Variants in FCRL3 observed in about 807,000 individuals in gnomAD.
FCRL3 encodes Fc receptor-like protein 3.
Under a neutral mutation model 75.0 loss-of-function variants are expected in FCRL3, and 89 were observed. That is an observed-to-expected ratio of 1.19 (90% CI 1.00 to 1.42). The LOEUF (loss-of-function observed/expected upper bound fraction) is 1.42. Among genes scored for constraint, FCRL3 ranks in the 40% most tolerant of loss-of-function variants. FCRL3 has a pLI of 0.00. For synonymous variants in FCRL3, 376 were observed against 348.5 expected, an observed-to-expected ratio of 1.08 and a Z score of -0.88; for missense variants, 946 against 880.0, an observed-to-expected ratio of 1.07 and a Z score of -0.95.
Position 157,697,817 on chromosome 1 carries a change from T to A in FCRL3, c.401A>T (p.Tyr134Phe). Residue 134 changes from tyrosine to phenylalanine, a missense_variant, in exon 5 of 15, where the codon TAC (tyrosine) becomes TTC (phenylalanine). Tyr to Phe is a conservative substitution (Grantham distance 22). Coordinates refer to ENST00000368184, the MANE Select transcript of FCRL3 (RefSeq NM_052939.4). ...ATTAGGAAGCTGTTTTCCATCCTTGTAGTAAACCTTTTGATGAGTGTTTTT... is the reference window on the plus strand; with the variant it reads ...ATTAGGAAGCTGTTTTCCATCCTTGAAGTAAACCTTTTGATGAGTGTTTTT... ...DNKNTHQKVYYKDGKQLPNSY... is the reference protein window; with the variant it reads ...DNKNTHQKVYFKDGKQLPNSY... The A allele has an allele frequency of 6.2e-7, 1 of 1,614,204 alleles. No homozygotes were observed. Among genetic ancestry groups the A allele is most frequent in the Non-Finnish European group, 8.5e-7 (1 of 1,180,036 alleles).
intron 3 of FCRL3, among the ~76,000 whole-genome samples, 193 bp from the exon 4 acceptor site, chr1:157,698,822 G>A (rs914163512): frequency 6.6e-6 from 1 of 152,208 alleles, no homozygotes; most frequent in African/African-American, 2.4e-5. Flanking sequence ...TTTCCTGGAG[G>A]TGGGCAGAAG....
intron 10 of FCRL3, among the ~76,000 whole-genome samples, chr1:157,686,880 C>T (rs1469793945): frequency 6.6e-6 from 1 of 152,006 alleles, no homozygotes; most frequent in Non-Finnish European, 1.5e-5. Flanking sequence ...TCAGCTTTGG[C>T]CAAGAATTTT....
chr1:157,699,778 C>G, intron 2 of FCRL3, 66 bp from the exon 3 acceptor site: 1 of 1,560,074 alleles, frequency 6.4e-7, no homozygotes, highest in Non-Finnish European at 8.8e-7. Context: ...CTAACCACAA[C>G]CACTTCTTTT....
At chr1:157,699,878 G>A (rs10489678) in intron 2 of FCRL3, among the ~76,000 whole-genome samples, 166 bp from the exon 3 acceptor site, 29,946 of 151,974 alleles carry the variant, frequency 0.2, 3,076 homozygotes, top group African/African-American at 0.24. Context: ...TTTTACAAAC[G>A]TGATGGCTTA....
At chr1:157,694,459 T>C (rs766782867) in intron 8 of FCRL3, among the ~76,000 whole-genome samples, 6 of 152,208 alleles carry the variant, frequency 3.9e-5, no homozygotes, top group Non-Finnish European at 8.8e-5. Flanking sequence ...TCTGGAATCA[T>C]TGGAGAACAA....
chr1:157,679,848 A>AAAAAAAAAAAAAAAAAAAAAG (rs1654724310), intron 13 of FCRL3, among the ~76,000 whole-genome samples: 1 of 148,264 alleles, frequency 6.7e-6, no homozygotes, highest in Non-Finnish European at 1.5e-5. Flanking sequence ...AAAAAAAAAA[A>AAAAAAAAAAAAAAAAAAAAAG]AAAAAAAAAA....
At chr1:157,685,351 C>T (rs12139425) in intron 10 of FCRL3, among the ~76,000 whole-genome samples, 34,272 of 151,840 alleles carry the variant, frequency 0.23, 4,076 homozygotes, top group African/African-American at 0.27. Flanking sequence ...AGTAACAAAA[C>T]AAATAATTAT....
chr1:157,685,150 CTG>C (rs1397053650), intron 10 of FCRL3, among the ~76,000 whole-genome samples: 8 of 151,914 alleles, frequency 5.3e-5, no homozygotes, highest in Admixed American at 5.3e-4. Flanking sequence ...AACCTCAACA[CTG>C]AGATTCAAAT....
Position 157,689,780 on chromosome 1 carries a change from T to G in FCRL3, c.1810+18A>C, listed in dbSNP as rs960168194. The G allele has an allele frequency of 5.0e-6, 8 of 1,613,846 alleles. No homozygotes were observed. Among genetic ancestry groups the G allele is most frequent in the South Asian group, 2.2e-5 (2 of 91,082 alleles). On this transcript the variant is annotated intron_variant, in intron 10 of 14. Transcript: ENST00000368184. ...GCAACGGCAAAATCACATCACAAGG[T>G]AGGACCTAGACACCCACCTGGTTTC... is the stretch of plus-strand genomic sequence containing the variant.
chr1:157,682,928 AG>A (rs1285600085), intron 11 of FCRL3, among the ~76,000 whole-genome samples: 1 of 152,234 alleles, frequency 6.6e-6, no homozygotes, highest in Admixed American at 6.5e-5. Flanking sequence ...GCCCTATGAA[AG>A]GTAATGCCAT....
In FCRL3 at chr1:157,698,573, C is replaced by T. The variant is rs1034727140; in HGVS notation, c.109G>A (p.Gly37Arg). The T allele has an allele frequency of 1.9e-6, 3 of 1,613,942 alleles. No homozygotes were observed. The highest frequency in any genetic ancestry group is 2.7e-5 in the African/African-American group (2 of 74,920). Residue 37 changes from glycine (G) to arginine (R), a missense_variant, in exon 4 of 15, where the codon GGA becomes AGA. Transcript: ENST00000368184. ...LNPPWSTAFK[G>R]EKVALICSSI... Reference sequence around the variant, plus strand: ...CTGCATATGAGAGCCACTTTTTCTCCTTTGAAGGCTGTGGACCATGGAGGA... The same window carrying T: ...CTGCATATGAGAGCCACTTTTTCTCTTTTGAAGGCTGTGGACCATGGAGGA...
Position 157,676,675 on chromosome 1 carries a change from C to T in FCRL3, c.*2035G>A, listed in dbSNP as rs893922520. 3.3e-6 allele frequency: 5 copies of T among 1,530,106 alleles called. No homozygotes were observed. The highest frequency in any genetic ancestry group is 4.9e-5 in the East Asian group (2 of 40,796). The allele number at this position is 1,530,106 out of a possible 1,614,324, so 94.8% of individuals were successfully genotyped here. On this transcript the variant is annotated 3_prime_UTR_variant, in exon 15 of 15. Transcript: ENST00000368184. ...ATCCGAGATGTACAGTTAGGACTCA[C>T]CCCTTCTTCCACTCACATACTCTGA...
intron 6 of FCRL3, chr1:157,696,591 C>G (rs912101340): frequency 2.1e-6 from 1 of 471,140 alleles, no homozygotes; most frequent in Admixed American, 3.5e-5. Flanking sequence ...ATTTTATATG[C>G]ATTTATCTCT....
rs6691220 is a variant in FCRL3, at chr1:157,690,480, C to T, written c.1465G>A (p.Val489Met). Residue 489 changes from valine (V) to methionine (M), a missense_variant, in exon 9 of 15, where the codon GTG (valine) becomes ATG (methionine). Transcript: ENST00000368184. ...TLRAPGAQAV[V>M]GDLLELHCES... ...CAGTGAAGCTCCAGCAGGTCCCCCA[C>T]CACAGCCTGGGCCCCGGGAGCCCTG... 2,404 of 1,614,218 alleles carry T rather than the reference C, an allele frequency of 1.5e-3. 36 individuals are homozygous for T. In the African/African-American group the frequency reaches 0.028, roughly 19 times the overall value.
chr1:157,695,218 G>A, intron 8 of FCRL3, 111 bp downstream of exon 8: 1 of 1,108,284 alleles, frequency 9.0e-7, no homozygotes, highest in East Asian at 2.4e-5. Context: ...GAGTCAGAAA[G>A]AGTGGGAAGT....
intron 8 of FCRL3, chr1:157,691,832 TA>T (rs530462025): frequency 3.9e-5 from 6 of 152,292 alleles, no homozygotes; most frequent in African/African-American, 1.4e-4. Context: ...CATATTCCCC[TA>T]AAATCAAAGA....
At chr1:157,700,901 T>G (rs917119914), upstream of FCRL3, 2 of 271,432 alleles carry the variant, frequency 7.4e-6, no homozygotes, top group South Asian at 1.7e-4. Flanking sequence ...CAGCTCCTAA[T>G]GTAGGCAAGC....
intron 14 of FCRL3, 31 bp downstream of exon 14, chr1:157,678,911 A>G: frequency 6.2e-7 from 1 of 1,614,178 alleles, no homozygotes; most frequent in East Asian, 2.2e-5. Flanking sequence ...GGAAGGCCAG[A>G]GAGGAAAGAA....
In FCRL3 at chr1:157,678,357, A is replaced by C; in HGVS notation, c.*353T>G. 1 of 1,079,584 alleles carries C rather than the reference A, an allele frequency of 9.3e-7. No homozygotes were observed. The highest frequency in any genetic ancestry group is 1.1e-6 in the Non-Finnish European group (1 of 888,542). 66.9% of individuals were successfully genotyped at this position (1,079,584 alleles called of 1,614,324 possible). On this transcript the variant is annotated 3_prime_UTR_variant, in exon 15 of 15. Transcript: ENST00000368184. ...TTGTTTATACAGAGAGCACATTAAC[A>C]GCTTTCGATCACACTTGGATCAAAT... is the stretch of plus-strand genomic sequence containing the variant.
Sources: gnomAD v4.1 joint callset for allele counts (sites outside exome capture counted in the v4.1 genomes callset) on GRCh38, gnomAD v4.1.1 for gene constraint, MANE v1.5 for transcripts, NCBI Gene and HGNC (gene_info 2026-07-23, HGNC 2026-07-21) for gene names.